SLC10A7: variants seen among roughly 807,000 people sequenced by gnomAD.
SLC10A7 encodes solute carrier family 10 member 7.
A neutral mutation model predicts 43.2 loss-of-function variants in SLC10A7; 29 were observed. That is an observed-to-expected ratio of 0.67 (90% CI 0.50 to 0.92). SLC10A7 has a LOEUF of 0.92. Among genes scored for constraint, SLC10A7 ranks in the 40% least tolerant of loss-of-function variants. The pLI, the probability that SLC10A7 is intolerant of heterozygous loss-of-function variation, is 0.00. For synonymous variants in SLC10A7, 152 were observed against 144.8 expected, an observed-to-expected ratio of 1.05 and a Z score of -0.35; for missense variants, 295 against 403.2, an observed-to-expected ratio of 0.73 and a Z score of 2.30.
At chr4:146,427,877 T>C (rs1280813605) in intron 5 of SLC10A7, among the ~76,000 whole-genome samples, 4 of 152,156 alleles carry the variant, frequency 2.6e-5, no homozygotes, top group Non-Finnish European at 5.9e-5. Context: ...TAGGTTATTA[T>C]TTTAAAAATG....
chr4:146,399,449 C>G (rs1260774349), intron 5 of SLC10A7, among the ~76,000 whole-genome samples: 1 of 152,108 alleles, frequency 6.6e-6, no homozygotes, highest in Non-Finnish European at 1.5e-5. Context: ...AAGATTACTA[C>G]AGCCAATGTG....
intron 5 of SLC10A7, among the ~76,000 whole-genome samples, chr4:146,352,155 G>C (rs1735167339): frequency 9.1e-6 from 1 of 110,196 alleles, no homozygotes; most frequent in Admixed American, 9.0e-5. Flanking sequence ...CACGTGCAGA[G>C]ACACACATAG....
At chr4:146,326,469 G>A (rs1733112139) in intron 5 of SLC10A7, among the ~76,000 whole-genome samples, 1 of 152,156 alleles carries the variant, frequency 6.6e-6, no homozygotes, top group Non-Finnish European at 1.5e-5. Flanking sequence ...GTCTCCCCTA[G>A]GAAATGAGCT....
At chr4:146,466,803 A>T (rs1213136621) in intron 4 of SLC10A7, among the ~76,000 whole-genome samples, 1 of 152,208 alleles carries the variant, frequency 6.6e-6, no homozygotes, top group African/African-American at 2.4e-5. Flanking sequence ...AATTAAATGC[A>T]TCAGTGGTGA....
At chr4:146,388,799 T>C (rs1579061940) in intron 5 of SLC10A7, among the ~76,000 whole-genome samples, 3 of 148,068 alleles carry the variant, frequency 2.0e-5, no homozygotes, top group African/African-American at 7.4e-5. Context: ...GAAGAAAACC[T>C]AGGAAAGAAA....
chr4:146,376,409 T>C (rs1737201717), intron 5 of SLC10A7, among the ~76,000 whole-genome samples: 1 of 152,000 alleles, frequency 6.6e-6, no homozygotes, highest in Non-Finnish European at 1.5e-5. Context: ...CCAGCCCAAA[T>C]GTTGCTTTTT....
chr4:146,451,752 G>A (rs912386718), intron 4 of SLC10A7, among the ~76,000 whole-genome samples: 3 of 152,058 alleles, frequency 2.0e-5, no homozygotes, highest in African/African-American at 7.2e-5. Flanking sequence ...CACACCTTAA[G>A]ATAAGACAAA....
At chr4:146,437,055 T>C (rs1032656660) in intron 5 of SLC10A7, among the ~76,000 whole-genome samples, 4 of 152,070 alleles carry the variant, frequency 2.6e-5, no homozygotes, top group African/African-American at 9.7e-5. Flanking sequence ...TTAAATATTT[T>C]ATTATTTCTT....
intron 5 of SLC10A7, chr4:146,442,028 C>CA: frequency 1.0e-6 from 1 of 977,360 alleles, no homozygotes; most frequent in Non-Finnish European, 1.2e-6. Context: ...AGTTATGCCC[C>CA]AAAAAATACA....
intron 5 of SLC10A7, among the ~76,000 whole-genome samples, chr4:146,377,230 C>T (rs888871350): frequency 5.3e-5 from 8 of 152,142 alleles, no homozygotes; most frequent in Admixed American, 3.9e-4. Context: ...CTTTACTTTA[C>T]TTTTTACACA....
intron 6 of SLC10A7, among the ~76,000 whole-genome samples, chr4:146,322,556 AT>A (rs1022697038): frequency 9.0e-4 from 137 of 151,994 alleles, no homozygotes; most frequent in African/African-American, 3.2e-3. Flanking sequence ...TGAATTCATC[AT>A]TTTTTATGGC....
Position 146,521,673 on chromosome 4 carries a change from T to C in SLC10A7, c.45A>G (p.Gly15=). ...TAGCTCCAGCGATCGCCAGCACTAT[T>C]CCGACCATGAACCAGTCTTTCCTCA... ...ERMRKDWFMV[G]IVLAIAGAKL... Residue 15 remains glycine (G), a synonymous_variant, in exon 1 of 12, where the codon GGA becomes GGG. Coordinates refer to ENST00000335472, the MANE Select transcript of SLC10A7 (RefSeq NM_001029998.6). 6.2e-7 allele frequency: 1 copy of C among 1,614,170 alleles called. No homozygotes were observed. Among genetic ancestry groups the C allele is most frequent in the Non-Finnish European group, 8.5e-7 (1 of 1,180,030 alleles).
intron 5 of SLC10A7, among the ~76,000 whole-genome samples, chr4:146,351,832 T>C (rs1416074336): frequency 7.8e-6 from 1 of 127,880 alleles, no homozygotes; most frequent in African/African-American, 3.2e-5. Flanking sequence ...GACAAGCAAA[T>C]GCTGAGAGAT....
chr4:146,471,367 T>C (rs2149964025), intron 4 of SLC10A7, among the ~76,000 whole-genome samples: 1 of 152,322 alleles, frequency 6.6e-6, no homozygotes, highest in African/African-American at 2.4e-5. Context: ...TTCCATTCAG[T>C]TTTCTTTCAG....
At chr4:146,491,457 C>T (rs916969758) in intron 4 of SLC10A7, among the ~76,000 whole-genome samples, 5 of 150,436 alleles carry the variant, frequency 3.3e-5, no homozygotes, top group Non-Finnish European at 4.4e-5. Flanking sequence ...GTCACAAAAT[C>T]AATTTAGTGA....
At chr4:146,414,044 G>A (rs1728386970) in intron 5 of SLC10A7, among the ~76,000 whole-genome samples, 3 of 152,232 alleles carry the variant, frequency 2.0e-5, no homozygotes, top group South Asian at 4.2e-4. Context: ...GAAAGAGGAG[G>A]ATGGGGAGGT....
rs1048770617 is a variant in SLC10A7 at position 146,326,538 on chromosome 4, T to A, written c.436-542A>T. Among the ~76,000 whole-genome samples, 10 of 152,200 alleles carry A rather than the reference T, an allele frequency of 6.6e-5. No homozygotes were observed. The South Asian group carries it at 1.0e-3, about 16-fold the overall frequency. On this transcript the variant is annotated intron_variant, in intron 5 of 11. Coordinates refer to ENST00000335472, the MANE Select transcript of SLC10A7 (RefSeq NM_001029998.6). ...TCATGTCTCCATGGTGGAAGGCAAG[T>A]CTTTCATCTAATTCAGCCACATAGG...
intron 4 of SLC10A7, among the ~76,000 whole-genome samples, chr4:146,470,361 T>C (rs1292348587): frequency 6.6e-6 from 1 of 151,446 alleles, no homozygotes; most frequent in African/African-American, 2.4e-5. Context: ...TATATATACA[T>C]ATAAATGTAC....
Position 146,504,418 on chromosome 4 carries a change from T to C in SLC10A7, c.321-494A>G, listed in dbSNP as rs373967923. ...CCTGTAGTCCCAGCCACTCAGGAGG[T>C]TGAGGCAGGAGAATGGTGTGAACCT... On this transcript the variant is annotated intron_variant, in intron 3 of 11. Transcript: ENST00000335472. Among the ~76,000 whole-genome samples the C allele has an allele frequency of 9.6e-3, 1,418 of 147,572 alleles. 15 individuals carry two copies. Among genetic ancestry groups the C allele is most frequent in the African/African-American group, 0.033 (1,309 of 39,866 alleles).
Sources: allele counts gnomAD v4.1 joint callset (sites outside exome capture counted in the v4.1 genomes callset), GRCh38; gene constraint gnomAD v4.1.1; transcripts MANE v1.5; gene names NCBI Gene and HGNC (gene_info 2026-07-23, HGNC 2026-07-21).